Variants in ADAM12 observed in about 807,000 individuals in gnomAD.
The protein encoded by ADAM12 is disintegrin and metalloproteinase domain-containing protein 12.
In ADAM12, 70 loss-of-function variants were observed where a neutral mutation model predicts 106.4. The ratio of observed to expected loss-of-function variants is 0.66; its 90% CI spans 0.54 to 0.80. ADAM12 has a LOEUF of 0.80. Among genes scored for constraint, ADAM12 ranks in the 30% least tolerant of loss-of-function variants. ADAM12 has a pLI of 0.00. For synonymous variants in ADAM12, 420 were observed against 433.5 expected (o/e 0.97, Z 0.39); for missense variants, 1,010 against 1,171.9 (o/e 0.86, Z 2.02).
intron 5 of ADAM12, among the ~76,000 whole-genome samples, chr10:126,132,487 G>A: frequency 6.6e-6 from 1 of 150,428 alleles, no homozygotes; most frequent in South Asian, 2.1e-4. Flanking sequence ...GAGCTGCAAA[G>A]CTTTGCAAGG....
rs1443794136 is a variant in ADAM12 at position 126,015,890 on chromosome 10, CT to C, written c.*1388del. 1 of 152,116 alleles carries C rather than the reference CT, an allele frequency of 6.6e-6. No homozygotes were observed. Among genetic ancestry groups the C allele is most frequent in the Non-Finnish European group, 1.5e-5 (1 of 68,026 alleles). The allele number at this position is 152,116 out of a possible 1,614,324, so 9.4% of individuals were successfully genotyped here. A position where few individuals can be genotyped will look rare whatever the true frequency, so the allele number is the denominator to read the frequency against. ...TCATGCCATTAGTCACTTTAAAGAC[CT>C]TGTGAAACATGGCTCCCTAGTCAGG... On this transcript the variant is annotated 3_prime_UTR_variant, in exon 23 of 23. Coordinates refer to ENST00000448723, the MANE Select transcript of ADAM12 (RefSeq NM_001288973.2).
intron 3 of ADAM12, among the ~76,000 whole-genome samples, chr10:126,175,196 G>T (rs888813056): frequency 1.3e-5 from 2 of 152,200 alleles, no homozygotes; most frequent in African/African-American, 4.8e-5. Context: ...CACACACGAG[G>T]AGGTGGTGTA....
intron 1 of ADAM12, among the ~76,000 whole-genome samples, chr10:126,331,333 CAT>C (rs887569215): frequency 1.3e-5 from 2 of 152,168 alleles, no homozygotes; most frequent in African/African-American, 4.8e-5. Context: ...GATTCCCTCA[CAT>C]GTTATTCCCA....
At chr10:126,099,362 TTCCCTCCC>T (rs1224390747) in intron 9 of ADAM12, among the ~76,000 whole-genome samples, 2 of 151,644 alleles carry the variant, frequency 1.3e-5, no homozygotes, top group Admixed American at 6.6e-5. Flanking sequence ...TTCTCCCTCC[TTCCCTCCC>T]TCCCTCTCTC....
intron 21 of ADAM12, among the ~76,000 whole-genome samples, chr10:126,027,044 A>ACAAT (rs1363684233): frequency 6.6e-6 from 1 of 152,184 alleles, no homozygotes; most frequent in Admixed American, 6.5e-5. Context: ...TCAAATAGAC[A>ACAAT]CAATCAGAAA....
chr10:126,038,305 T>C lies in ADAM12; in HGVS notation c.2285A>G (p.Gln762Arg). The change falls in exon 20 of 23, where the codon CAG becomes CGG. Residue 762 changes from glutamine to arginine, a missense_variant. Transcript: ENST00000448723. ...SRPPRGFQPC[Q>R]AHLGHLGKGL... ...TTTTCCAAGGTGGCCGAGGTGAGCC[T>C]GACAGGGTTGGAAGCCACGGGGTGG... 6.2e-7 allele frequency: 1 copy of C among 1,611,430 alleles called. No individual in the cohort carries two copies. Among genetic ancestry groups the C allele is most frequent in the Non-Finnish European group, 8.5e-7 (1 of 1,178,606 alleles).
At chr10:126,365,534 G>C (rs1030545129) in intron 1 of ADAM12, among the ~76,000 whole-genome samples, 1 of 152,130 alleles carries the variant, frequency 6.6e-6, no homozygotes, top group African/African-American at 2.4e-5. Flanking sequence ...GTTCCGTGTG[G>C]CTGGGAAGGC....
At chr10:126,161,909 C>T (rs1956942475) in intron 3 of ADAM12, among the ~76,000 whole-genome samples, 1 of 152,168 alleles carries the variant, frequency 6.6e-6, no homozygotes, top group Non-Finnish European at 1.5e-5. Context: ...TTCATGAGAA[C>T]ATTCTTTTTC....
intron 4 of ADAM12, among the ~76,000 whole-genome samples, chr10:126,143,624 G>GT (rs1956568259): frequency 1.3e-5 from 2 of 149,684 alleles, no homozygotes; most frequent in South Asian, 2.1e-4. Context: ...GGGGTGCGTG[G>GT]GTGTGTGTAT....
At chr10:126,222,000 C>G (rs1958103540) in intron 3 of ADAM12, among the ~76,000 whole-genome samples, 5 of 152,174 alleles carry the variant, frequency 3.3e-5, no homozygotes, top group Admixed American at 2.6e-4. Context: ...ACTGGCTGTC[C>G]ATCAGAAGTC....
chr10:126,256,497 A>G (rs1958895218), intron 3 of ADAM12, among the ~76,000 whole-genome samples: 2 of 152,114 alleles, frequency 1.3e-5, no homozygotes, highest in South Asian at 4.1e-4. Flanking sequence ...TAGAGGTTCT[A>G]CTACCTTGAG....
At chr10:126,067,657 A>ACATT (rs1954900216) in intron 12 of ADAM12, among the ~76,000 whole-genome samples, 1 of 152,248 alleles carries the variant, frequency 6.6e-6, no homozygotes, top group Non-Finnish European at 1.5e-5. Context: ...GTACTTGAGA[A>ACATT]CATTCAAGTA....
At chr10:126,099,221 A>G (rs181554876) in intron 9 of ADAM12, among the ~76,000 whole-genome samples, 88 of 152,332 alleles carry the variant, frequency 5.8e-4, no homozygotes, top group African/African-American at 2.1e-3. Context: ...TATTTGTTGA[A>G]TTTCCTTTAA....
chr10:126,087,565 A>T (rs1187040225), intron 11 of ADAM12, among the ~76,000 whole-genome samples: 1 of 152,178 alleles, frequency 6.6e-6, no homozygotes, highest in Non-Finnish European at 1.5e-5. Flanking sequence ...TAAACTTTTC[A>T]TTGAGAAAAA....
intron 1 of ADAM12, among the ~76,000 whole-genome samples, chr10:126,358,176 C>A (rs78488058): frequency 4.1e-3 from 528 of 129,810 alleles, no homozygotes; most frequent in Admixed American, 4.8e-3. Context: ...GACTCCGTCT[C>A]AAAAAAAAAA....
intron 14 of ADAM12, among the ~76,000 whole-genome samples, chr10:126,062,580 G>A (rs1350313965): frequency 6.6e-6 from 1 of 152,218 alleles, no homozygotes; most frequent in East Asian, 1.9e-4. Flanking sequence ...GGACTAGACT[G>A]ATGAGATAAT....
chr10:126,187,655 C>G (rs1415232701), intron 3 of ADAM12, among the ~76,000 whole-genome samples: 1 of 152,204 alleles, frequency 6.6e-6, no homozygotes, highest in Non-Finnish European at 1.5e-5. Flanking sequence ...TTCAAAGTGA[C>G]TTCACAGAGG....
chr10:126,316,033 T>C (rs916840851), intron 2 of ADAM12, among the ~76,000 whole-genome samples: 30 of 152,178 alleles, frequency 2.0e-4, no homozygotes, highest in African/African-American at 7.0e-4. Context: ...AGAGATTATA[T>C]GCCCCCGTGG....
intron 3 of ADAM12, among the ~76,000 whole-genome samples, chr10:126,189,215 G>A (rs979064423): frequency 6.6e-6 from 1 of 152,202 alleles, no homozygotes; most frequent in African/African-American, 2.4e-5. Context: ...GGCTCACCAG[G>A]CATAGAAAAC....
Sources: allele counts gnomAD v4.1 joint callset (sites outside exome capture counted in the v4.1 genomes callset), GRCh38; gene constraint gnomAD v4.1.1; transcripts MANE v1.5; gene names NCBI Gene and HGNC (gene_info 2026-07-23, HGNC 2026-07-21).